The following KCNN2 variants were observed in gnomAD, a reference collection of about 807,000 sequenced individuals.
The protein encoded by KCNN2 is small conductance calcium-activated potassium channel protein 2.
Under a neutral mutation model 55.5 loss-of-function variants are expected in KCNN2, and 24 were observed. The ratio of observed to expected loss-of-function variants is 0.43; its 90% CI spans 0.31 to 0.61. KCNN2 has a LOEUF of 0.61. Among genes scored for constraint, KCNN2 ranks in the 20% least tolerant of loss-of-function variants. KCNN2 has a pLI of 0.08. For synonymous variants in KCNN2, 431 were observed against 336.1 expected (o/e 1.28, Z -3.09); for missense variants, 754 against 853.6 (o/e 0.88, Z 1.45).
chr5:114,362,596 T>G lies in KCNN2; in HGVS notation c.457T>G (p.Ser153Ala). 1 of 796,606 alleles carries G rather than the reference T, an allele frequency of 1.3e-6. No homozygotes were observed. Among genetic ancestry groups the G allele is most frequent in the East Asian group, 3.0e-5 (1 of 33,364 alleles). The allele number at this position is 796,606 out of a possible 1,614,324, so 49.3% of individuals were successfully genotyped here. The change falls in exon 1 of 8, where the codon TCC (serine) becomes GCC (alanine). Residue 153 changes from serine to alanine, a missense_variant. This residue lies in a region of KCNN2 where 381 missense variants were observed against 259.1 expected (regional missense o/e 1.47). Coordinates refer to ENST00000673685, the MANE Select transcript of KCNN2 (RefSeq NM_021614.4). ...GCAGCAGTCCGCGCAGCAGTCGGCGTCCGCCTCCCAGTACCACCAGTGCCA... is the reference window on the plus strand; with the variant it reads ...GCAGCAGTCCGCGCAGCAGTCGGCGGCCGCCTCCCAGTACCACCAGTGCCA... ...YAQQSAQQSA[S>A]ASQYHQCHSL...
chr5:114,149,665 G>T (rs1752474785), intron 1 of KCNN2, among the ~76,000 whole-genome samples: 1 of 152,162 alleles, frequency 6.6e-6, no homozygotes, highest in Non-Finnish European at 1.5e-5. Flanking sequence ...ACAGAGATTA[G>T]AATTTAAAAT....
intron 1 of KCNN2, among the ~76,000 whole-genome samples, chr5:114,158,164 T>C (rs1471440464): frequency 6.6e-6 from 1 of 152,136 alleles, no homozygotes; most frequent in Non-Finnish European, 1.5e-5. Context: ...TTAATCCATC[T>C]TGAATTAATT....
At chr5:114,210,865 T>C (rs1045776956) in intron 1 of KCNN2, among the ~76,000 whole-genome samples, 3 of 152,156 alleles carry the variant, frequency 2.0e-5, no homozygotes, top group Non-Finnish European at 4.4e-5. Flanking sequence ...GTTCACTGAA[T>C]GTGAGGGCCC....
intron 6 of KCNN2, 49 bp from the exon 7 acceptor site, chr5:114,493,353 AT>A: frequency 8.9e-7 from 1 of 1,122,578 alleles, no homozygotes; most frequent in Non-Finnish European, 1.4e-6. Context: ...AAGGCATAAG[AT>A]TGCCATAGGA....
intron 4 of KCNN2, among the ~76,000 whole-genome samples, chr5:114,468,060 C>T (rs1307188120): frequency 5.9e-5 from 9 of 152,172 alleles, no homozygotes; most frequent in African/African-American, 2.2e-4. Flanking sequence ...AAACACCACA[C>T]ACTCTCCCCT....
intron 3 of KCNN2, among the ~76,000 whole-genome samples, chr5:114,429,818 C>CTT (rs61595962): frequency 0.053 from 3,744 of 71,068 alleles, 289 homozygotes; most frequent in Non-Finnish European, 0.065. Flanking sequence ...TATATAGATG[C>CTT]TTTTTTTTTT....
At chr5:114,064,074 T>C (rs1242417259) in intron 1 of KCNN2, among the ~76,000 whole-genome samples, 1 of 152,222 alleles carries the variant, frequency 6.6e-6, no homozygotes, top group Non-Finnish European at 1.5e-5. Context: ...GCTTGTGTTC[T>C]ACTCCCAGAG....
intron 2 of KCNN2, among the ~76,000 whole-genome samples, chr5:114,322,171 A>G (rs889718230): frequency 6.6e-6 from 1 of 152,196 alleles, no homozygotes; most frequent in African/African-American, 2.4e-5. Context: ...GTATTTCAAA[A>G]TTAGTTTATT....
chr5:114,379,996 A>G (rs1365197845), intron 2 of KCNN2, among the ~76,000 whole-genome samples: 3 of 151,310 alleles, frequency 2.0e-5, no homozygotes. Flanking sequence ...TGTCATTTAC[A>G]TAATTTATTT....
chr5:114,233,298 C>G (rs539701759), intron 2 of KCNN2, among the ~76,000 whole-genome samples: 2 of 152,212 alleles, frequency 1.3e-5, no homozygotes, highest in South Asian at 4.1e-4. Context: ...TTGCAACACT[C>G]CTTTTATTAA....
At chr5:114,135,999 G>GA (rs1467724590) in intron 1 of KCNN2, among the ~76,000 whole-genome samples, 2 of 152,050 alleles carry the variant, frequency 1.3e-5, no homozygotes, top group Non-Finnish European at 2.9e-5. Flanking sequence ...TGGAGGGGAG[G>GA]AGAACATTGA....
At chr5:114,312,747 T>G (rs373761864) in intron 2 of KCNN2, among the ~76,000 whole-genome samples, 1 of 152,014 alleles carries the variant, frequency 6.6e-6, no homozygotes, top group South Asian at 2.1e-4. Flanking sequence ...GCACTTGACA[T>G]AATTTCCTAG....
intron 1 of KCNN2, among the ~76,000 whole-genome samples, chr5:114,149,295 G>A (rs62382865): frequency 0.12 from 18,877 of 152,092 alleles, 1,647 homozygotes; most frequent in East Asian, 0.51. Flanking sequence ...TAGTCATCAT[G>A]AACCCACACT....
chr5:114,388,499 C>A (rs369074694), intron 2 of KCNN2, among the ~76,000 whole-genome samples: 1 of 152,096 alleles, frequency 6.6e-6, no homozygotes, highest in Non-Finnish European at 1.5e-5. Context: ...TTTATTCATA[C>A]CTTGCTTTTT....
intron 2 of KCNN2, among the ~76,000 whole-genome samples, chr5:114,256,868 T>A (rs1183095661): frequency 1.3e-5 from 2 of 152,138 alleles, no homozygotes; most frequent in African/African-American, 4.8e-5. Context: ...TTAGTTTAAT[T>A]AAGTCCCATT....
intron 3 of KCNN2, among the ~76,000 whole-genome samples, chr5:114,462,463 T>C (rs2033320486): frequency 6.6e-6 from 1 of 152,142 alleles, no homozygotes; most frequent in African/African-American, 2.4e-5. Context: ...GACATCCAGG[T>C]AGATTGACCT....
chr5:114,198,683 T>C (rs935973351), intron 1 of KCNN2, among the ~76,000 whole-genome samples: 19 of 152,080 alleles, frequency 1.2e-4, no homozygotes, highest in Non-Finnish European at 4.4e-5. Flanking sequence ...ATTTTAATTT[T>C]TGTTTTTAGT....
chr5:114,412,170 T>C lies in KCNN2; in HGVS notation c.1637+7314T>C, dbSNP rs1355802007. On this transcript the variant is annotated intron_variant, in intron 3 of 7. Transcript: ENST00000673685. The stretch of plus-strand genomic sequence containing the variant: ...TTTCTCTGTATCCCTATAGAGAATA[T>C]GTAATTTGGGGTCCCACTTGCATAT... Among the ~76,000 whole-genome samples, 4 of 152,134 alleles carry C rather than the reference T, an allele frequency of 2.6e-5. 1 individual carries two copies. The East Asian group carries it at 7.7e-4, about 29-fold the overall frequency.
At chr5:114,361,900 C>T (rs141306235), upstream of KCNN2, 5 of 153,390 alleles carry the variant, frequency 3.3e-5, no homozygotes, top group East Asian at 1.9e-4. Context: ...CCCTCCCCAT[C>T]TTTCTCTGCC....
Sources: allele counts gnomAD v4.1 joint callset (sites outside exome capture counted in the v4.1 genomes callset), GRCh38; gene constraint gnomAD v4.1.1; regional missense constraint gnomAD v4.1.1; transcripts MANE v1.5; gene names NCBI Gene and HGNC (gene_info 2026-07-23, HGNC 2026-07-21).